MSANTD1: variants seen among roughly 807,000 people sequenced by gnomAD.
The protein encoded by MSANTD1 is myb/SANT-like DNA-binding domain-containing protein 1.
In MSANTD1, 7 loss-of-function variants were observed where a neutral mutation model predicts 24.2. The observed-to-expected ratio is 0.29, with a 90% CI of 0.16 to 0.54. MSANTD1 has a LOEUF of 0.54. MSANTD1 is among the 20% of genes least tolerant of loss of function. The probability of loss-of-function intolerance (pLI) is 0.94; values close to 1 mark genes in which losing one functional copy is unlikely to be tolerated. For synonymous variants in MSANTD1, 177 were observed against 181.1 expected (o/e 0.98, Z 0.18); for missense variants, 384 against 408.2 (o/e 0.94, Z 0.51).
In MSANTD1 at chr4:3,255,864, C is replaced by T. The variant is rs577316671; in HGVS notation, c.736C>T (p.Arg246Cys). The T allele has an allele frequency of 7.1e-5, 110 of 1,545,356 alleles. No individual in the cohort carries two copies. The highest frequency in any genetic ancestry group is 9.3e-5 in the Non-Finnish European group (107 of 1,146,422). ...AVEETCREVR[R>C]VLDQQHILQV... ...GGAGGAGACCTGCCGCGAGGTGCGC[C>T]GCGTGCTGGACCAGCAGCACATCCT... The change falls in exon 3 of 3, where the codon CGC (arginine) becomes TGC (cysteine). Residue 246 changes from arginine to cysteine, a missense_variant. Arg to Cys is a radical substitution (Grantham distance 180, BLOSUM62 -3). Coordinates refer to ENST00000438480, the MANE Select transcript of MSANTD1 (RefSeq NM_001042690.2).
chr4:3,256,071 G>A lies in MSANTD1; in HGVS notation c.*106G>A, dbSNP rs1273775982. The A allele has an allele frequency of 6.0e-6, 8 of 1,334,882 alleles. No homozygotes were observed. Among genetic ancestry groups the A allele is most frequent in the Middle Eastern group, 2.7e-4 (1 of 3,670 alleles). The allele number at this position is 1,334,882 out of a possible 1,614,324, so 82.7% of individuals were successfully genotyped here. A position where few individuals can be genotyped will look rare whatever the true frequency, so the allele number is the denominator to read the frequency against. On this transcript the variant is annotated 3_prime_UTR_variant, in exon 3 of 3. Coordinates refer to ENST00000438480, the MANE Select transcript of MSANTD1 (RefSeq NM_001042690.2). ...CGGGCAAGGGGGCCGCCCCGCGAGC[G>A]GAGACCGCCTTCCACCTGGCCTCTG...
Position 3,249,468 on chromosome 4 carries a change from C to G in MSANTD1, c.246C>G (p.Leu82=), listed in dbSNP as rs201535005. 9 of 1,611,938 alleles carry G rather than the reference C, an allele frequency of 5.6e-6. No homozygotes were observed. The East Asian group carries it at 1.6e-4, about 28-fold the overall frequency. The change falls in exon 1 of 3, where the codon CTC becomes CTG. Residue 82 remains leucine (L), a synonymous_variant. Coordinates refer to ENST00000438480, the MANE Select transcript of MSANTD1 (RefSeq NM_001042690.2). ...AKVYEKMASK[L]FEMTGERRLG... ...TGTACGAGAAGATGGCCAGCAAGCT[C>G]TTCGAGATGACCGGCGAGCGCAGGC... is the stretch of plus-strand genomic sequence containing the variant.
At chr4:3,244,890 C>G (rs1439143130), upstream of MSANTD1, 1 of 152,276 alleles carries the variant, frequency 6.6e-6, no homozygotes, top group Non-Finnish European at 1.5e-5. Flanking sequence ...GCGGGGGCCC[C>G]CTTTCTCTGA....
In MSANTD1 at chr4:3,249,264, C is replaced by T. The variant is rs1379186511; in HGVS notation, c.42C>T (p.Leu14=). The T allele has an allele frequency of 8.7e-6, 13 of 1,495,070 alleles. No homozygotes were observed. The Admixed American group carries it at 2.0e-4, about 23-fold the overall frequency. The allele number at this position is 1,495,070 out of a possible 1,614,324, so 92.6% of individuals were successfully genotyped here. ...GGCCGGGGCCCTCGCTGAGCGCGCT[C>T]TCTCACCCCACAGGCGCCTCCGGCA... ...GAGPGPSLSA[L]SHPTGASGMA... is the part of the protein sequence containing the mutation. Residue 14 remains leucine (L), a synonymous_variant, in exon 1 of 3, where the codon CTC becomes CTT. Coordinates refer to ENST00000438480, the MANE Select transcript of MSANTD1 (RefSeq NM_001042690.2).
chr4:3,246,778 T>C (rs1401407962), upstream of MSANTD1: 1 of 618,506 alleles, frequency 1.6e-6, no homozygotes, highest in African/African-American at 1.8e-5. Flanking sequence ...GTCCTCACAT[T>C]GGAGGTCAGT....
At chr4:3,253,610 G>A in intron 2 of MSANTD1, 128 bp downstream of exon 2, 1 of 1,002,834 alleles carries the variant, frequency 1.0e-6, no homozygotes, top group Non-Finnish European at 1.4e-6. Flanking sequence ...GCTGCGGGCA[G>A]CGCCTCCAGG....
chr4:3,253,644 G>A (rs541090585), intron 2 of MSANTD1, among the ~76,000 whole-genome samples, 162 bp downstream of exon 2: 1 of 152,366 alleles, frequency 6.6e-6, no homozygotes. Flanking sequence ...AGACCAGGGA[G>A]GGCTTTAGTG....
chr4:3,255,602 C>T, intron 2 of MSANTD1, 123 bp from the exon 3 acceptor site: 1 of 1,270,780 alleles, frequency 7.9e-7, no homozygotes, highest in Non-Finnish European at 1.0e-6. Flanking sequence ...GAGTAAGTGA[C>T]CTGACTCCCT....
rs146760649 is a variant in MSANTD1 at position 3,253,329 on chromosome 4, C to T, written c.443C>T (p.Pro148Leu). 1.1e-4 allele frequency: 170 copies of T among 1,610,398 alleles called. No individual in the cohort carries two copies. In the African/African-American group the frequency reaches 1.7e-3, roughly 16 times the overall value. ...SCDGKLPDSQ[P>L]PGPSTSQTEA... ...GATGGCAAACTGCCGGACAGCCAGC[C>T]GCCGGGGCCCTCCACGTCCCAGACC... Residue 148 changes from proline to leucine, a missense_variant, in exon 2 of 3, where the codon CCG becomes CTG. Coordinates refer to ENST00000438480, the MANE Select transcript of MSANTD1 (RefSeq NM_001042690.2).
chr4:3,247,324 C>T (rs1453946867), upstream of MSANTD1, among the ~76,000 whole-genome samples: 1 of 152,144 alleles, frequency 6.6e-6, no homozygotes, highest in Non-Finnish European at 1.5e-5. Flanking sequence ...TGCTGGGACC[C>T]CATGCCTTTC....
At chr4:3,245,802 G>C (rs56347747), upstream of MSANTD1, among the ~76,000 whole-genome samples, 1,820 of 152,272 alleles carry the variant, frequency 0.012, 41 homozygotes, top group African/African-American at 0.042. Flanking sequence ...CTCTGGGGGG[G>C]CCCGCCAGTG....
At chr4:3,254,290 G>A (rs960494136) in intron 2 of MSANTD1, among the ~76,000 whole-genome samples, 2 of 152,218 alleles carry the variant, frequency 1.3e-5, no homozygotes, top group Non-Finnish European at 2.9e-5. Context: ...TAGAGAAGGC[G>A]TCTCCGAGGA....
At chr4:3,246,641 G>A (rs1468244062), upstream of MSANTD1, 1 of 696,634 alleles carries the variant, frequency 1.4e-6, no homozygotes, top group Admixed American at 2.0e-5. Flanking sequence ...AGCGACTGAG[G>A]GTCCCAGCAG....
intron 1 of MSANTD1, among the ~76,000 whole-genome samples, chr4:3,250,237 G>A (rs747288006): frequency 3.9e-5 from 6 of 152,218 alleles, no homozygotes; most frequent in African/African-American, 7.2e-5. Flanking sequence ...GACTCCCAGC[G>A]TGGGGGCTCC....
In MSANTD1 at chr4:3,249,545, G is replaced by C. The variant is rs755192756; in HGVS notation, c.320+3G>C. ...ACCAACATGACCTTCCAGTACAGGT[G>C]GGCGAGCGGGCAGTGTGGGCCCCAC... On this transcript the variant is annotated splice_donor_region_variant and intron_variant, in intron 1 of 2. Coordinates refer to ENST00000438480, the MANE Select transcript of MSANTD1 (RefSeq NM_001042690.2). 6.2e-7 allele frequency: 1 copy of C among 1,604,796 alleles called. No homozygotes were observed.
chr4:3,244,851 C>T (rs536632540), upstream of MSANTD1: 5 of 152,450 alleles, frequency 3.3e-5, no homozygotes, highest in African/African-American at 1.2e-4. Flanking sequence ...AAGGGGCCAG[C>T]TCCTGCTGCC....
rs752155519 is a variant in MSANTD1 at position 3,255,730 on chromosome 4, A to T, written c.602A>T (p.Glu201Val). 1 of 1,540,022 alleles carries T rather than the reference A, an allele frequency of 6.5e-7. No homozygotes were observed. Among genetic ancestry groups the T allele is most frequent in the African/African-American group, 1.4e-5 (1 of 72,852 alleles). Reference protein sequence around the residue: ...SSLLSLKFRSEERPVKKRKVQ... With the variant: ...SSLLSLKFRSVERPVKKRKVQ... ...AGCCGGCACTGTCCTTCCAGGTCGG[A>T]GGAGCGGCCGGTGAAGAAGCGCAAG... Residue 201 changes from glutamate to valine, a missense_variant, in exon 3 of 3, where the codon GAG becomes GTG. Coordinates refer to ENST00000438480, the MANE Select transcript of MSANTD1 (RefSeq NM_001042690.2).
rs1171343466 is a variant in MSANTD1, at chr4:3,256,003, G to A, written c.*38G>A. 5.4e-6 allele frequency: 8 copies of A among 1,477,332 alleles called. No homozygotes were observed. In the East Asian group the frequency reaches 1.8e-4, roughly 32 times the overall value. The allele number at this position is 1,477,332 out of a possible 1,614,324, so 91.5% of individuals were successfully genotyped here. On this transcript the variant is annotated 3_prime_UTR_variant, in exon 3 of 3. Transcript: ENST00000438480. Reference sequence around the variant, plus strand: ...CGGCGGCGGCGGGGCCGGGCGGCTGGTGGTACTGCTCAGGCCACCCAGGGC... The same window carrying A: ...CGGCGGCGGCGGGGCCGGGCGGCTGATGGTACTGCTCAGGCCACCCAGGGC...
rs780824402 is a variant in MSANTD1, at chr4:3,253,388, C to T, written c.502C>T (p.Pro168Ser). ...CCTGTCGCCGCCCGCTAAGTCCACC[C>T]CTCTGTACTTCCCGTATAACCAGTG... ...ASLSPPAKST[P>S]LYFPYNQCSY... is the part of the protein sequence containing the mutation. Residue 168 changes from proline (P) to serine (S), a missense_variant, in exon 2 of 3, where the codon CCT (proline) becomes TCT (serine). Coordinates refer to ENST00000438480, the MANE Select transcript of MSANTD1 (RefSeq NM_001042690.2). 2 of 1,609,694 alleles carry T rather than the reference C, an allele frequency of 1.2e-6. No homozygotes were observed. Among genetic ancestry groups the T allele is most frequent in the Non-Finnish European group, 1.7e-6 (2 of 1,178,056 alleles).
Sources: allele counts gnomAD v4.1 joint callset (sites outside exome capture counted in the v4.1 genomes callset), GRCh38; gene constraint gnomAD v4.1.1; transcripts MANE v1.5; gene names NCBI Gene and HGNC (gene_info 2026-07-23, HGNC 2026-07-21).